The following C10orf90 variants were observed in gnomAD, a reference collection of about 807,000 sequenced individuals.
C10orf90 encodes (E2-independent) E3 ubiquitin-conjugating enzyme FATS.
Under a neutral mutation model 62.5 loss-of-function variants are expected in C10orf90, and 56 were observed. The ratio of observed to expected loss-of-function variants is 0.90; its 90% CI spans 0.72 to 1.12. The LOEUF is 1.12. C10orf90 is among the 50% of genes most tolerant of loss of function. The pLI is 0.00. For synonymous variants in C10orf90, 386 were observed against 340.4 expected (o/e 1.13, Z -1.47); for missense variants, 970 against 880.4 (o/e 1.10, Z -1.29).
At chr10:126,441,767 T>C (rs1424569243) in intron 7 of C10orf90, among the ~76,000 whole-genome samples, 1 of 152,158 alleles carries the variant, frequency 6.6e-6, no homozygotes, top group Admixed American at 6.5e-5. Context: ...GCCAAGAATT[T>C]TGTATCAAGT....
At chr10:126,478,660 T>C (rs1325166313) in intron 4 of C10orf90, among the ~76,000 whole-genome samples, 6 of 152,072 alleles carry the variant, frequency 3.9e-5, no homozygotes, top group East Asian at 1.9e-4. Flanking sequence ...CAGATGAAGA[T>C]TGATGCGAGT....
At chr10:126,636,792 A>G (rs556345790) in intron 2 of C10orf90, among the ~76,000 whole-genome samples, 3 of 152,352 alleles carry the variant, frequency 2.0e-5, no homozygotes, top group Non-Finnish European at 4.4e-5. Flanking sequence ...CCACTAAAAA[A>G]AATAAAAATA....
rs753687372 is a variant in C10orf90, at chr10:126,513,933, C to G, written c.320G>C (p.Arg107Pro). ...ATCTCTTCTACTGTGGTAGCTGTCC[C>G]GTAATCCTAGGCAAAAGAAGATAAT... ...RNESLSNAGL[R>P]DSYHSRRDQI... The change falls in exon 3 of 10, where the codon CGG becomes CCG. Residue 107 changes from arginine to proline, a missense_variant. Arg to Pro is a moderately radical substitution (Grantham distance 103). Coordinates refer to ENST00000488181, the MANE Select transcript of C10orf90 (RefSeq NM_001350921.2). The G allele has an allele frequency of 6.2e-7, 1 of 1,610,410 alleles. No individual in the cohort carries two copies. The highest frequency in any genetic ancestry group is 1.3e-5 in the African/African-American group (1 of 74,772).
chr10:126,510,057 A>T (rs1471412378), intron 3 of C10orf90, among the ~76,000 whole-genome samples: 1 of 152,120 alleles, frequency 6.6e-6, no homozygotes, highest in African/African-American at 2.4e-5. Flanking sequence ...CCTCTGCTCC[A>T]TGTCTGGGTC....
rs556469779 is a variant in C10orf90 at position 126,425,635 on chromosome 10, A to G, written c.*229T>C. ...AAGGGGACTGTATCCAGTGGGTTAC[A>G]TGGAGGTGGTTTCCCCACAACAGAT... On this transcript the variant is annotated 3_prime_UTR_variant, in exon 10 of 10. Coordinates refer to ENST00000488181, the MANE Select transcript of C10orf90 (RefSeq NM_001350921.2). 1.4e-5 allele frequency: 8 copies of G among 574,922 alleles called. No individual in the cohort carries two copies. Among genetic ancestry groups the G allele is most frequent in the Non-Finnish European group, 2.1e-5 (7 of 328,572 alleles). 35.6% of individuals were successfully genotyped at this position (574,922 alleles called of 1,614,324 possible).
At chr10:126,472,557 G>T (rs1860635533) in intron 4 of C10orf90, among the ~76,000 whole-genome samples, 1 of 152,114 alleles carries the variant, frequency 6.6e-6, no homozygotes, top group Non-Finnish European at 1.5e-5. Flanking sequence ...CCTTGCTGTT[G>T]ATGGTTCTCC....
At chr10:126,521,279 G>A in intron 2 of C10orf90, 2 of 1,613,154 alleles carry the variant, frequency 1.2e-6, no homozygotes, top group Non-Finnish European at 8.5e-7. Context: ...TTATATCTGT[G>A]GAAAAAAATT....
chr10:126,491,461 GA>G (rs958922091), intron 4 of C10orf90, among the ~76,000 whole-genome samples: 1 of 150,964 alleles, frequency 6.6e-6, no homozygotes, highest in Admixed American at 6.6e-5. Flanking sequence ...AATGTAAAAG[GA>G]AAAAAAACAA....
intron 2 of C10orf90, among the ~76,000 whole-genome samples, chr10:126,570,683 A>G (rs1844488162): frequency 6.6e-6 from 1 of 152,188 alleles, no homozygotes. Flanking sequence ...TTTGCTGAAA[A>G]TAAATGAGAA....
At chr10:126,652,822 TC>T (rs1846317173) in intron 1 of C10orf90, among the ~76,000 whole-genome samples, 1 of 152,222 alleles carries the variant, frequency 6.6e-6, no homozygotes, top group Non-Finnish European at 1.5e-5. Context: ...AGTATTCCTT[TC>T]AGCATGTTCT....
chr10:126,544,754 G>A (rs531144133), intron 2 of C10orf90, among the ~76,000 whole-genome samples: 2 of 152,272 alleles, frequency 1.3e-5, no homozygotes, highest in Admixed American at 1.3e-4. Context: ...TTCATGGGCT[G>A]GGAGAGGTCC....
chr10:126,578,828 C>CA (rs1034886595), intron 2 of C10orf90, among the ~76,000 whole-genome samples: 2 of 151,934 alleles, frequency 1.3e-5, no homozygotes, highest in Admixed American at 6.6e-5. Context: ...AGGTCAAACA[C>CA]AAAAAAACAC....
chr10:126,592,662 G>A (rs1442240865), intron 2 of C10orf90, among the ~76,000 whole-genome samples: 1 of 152,102 alleles, frequency 6.6e-6, no homozygotes, highest in East Asian at 1.9e-4. Context: ...AACACCAAAA[G>A]CAATTGCAAC....
chr10:126,566,150 A>T (rs1844383315), intron 2 of C10orf90, among the ~76,000 whole-genome samples: 1 of 152,164 alleles, frequency 6.6e-6, no homozygotes, highest in Non-Finnish European at 1.5e-5. Flanking sequence ...TGGATAAATT[A>T]TTTCACCTGA....
At chr10:126,481,131 C>A (rs575305453) in intron 4 of C10orf90, among the ~76,000 whole-genome samples, 2 of 152,336 alleles carry the variant, frequency 1.3e-5, no homozygotes, top group South Asian at 2.1e-4. Flanking sequence ...AAGACAGGCT[C>A]CTTCCATCAT....
chr10:126,524,788 G>C, intron 2 of C10orf90: 1 of 985,520 alleles, frequency 1.0e-6, no homozygotes, highest in Non-Finnish European at 1.2e-6. Context: ...TGTCCTACAA[G>C]AGCTGGGGGC....
chr10:126,561,581 A>C (rs1424062591), intron 2 of C10orf90, among the ~76,000 whole-genome samples: 1 of 152,096 alleles, frequency 6.6e-6, no homozygotes, highest in Non-Finnish European at 1.5e-5. Context: ...GCAGATTTTC[A>C]CTCTCCGTGC....
intron 7 of C10orf90, among the ~76,000 whole-genome samples, chr10:126,437,864 G>A (rs956530334): frequency 3.7e-4 from 56 of 152,176 alleles, no homozygotes; most frequent in Admixed American, 1.3e-4. Flanking sequence ...TGAAGGCAAT[G>A]CTGTGGAAGG....
intron 7 of C10orf90, among the ~76,000 whole-genome samples, chr10:126,450,596 G>GA (rs769935995): frequency 3.9e-5 from 6 of 152,228 alleles, no homozygotes; most frequent in Admixed American, 6.5e-5. Flanking sequence ...ATGGGGAGAG[G>GA]AAAATCTCTT....
Sources: allele counts gnomAD v4.1 joint callset (sites outside exome capture counted in the v4.1 genomes callset), GRCh38; gene constraint gnomAD v4.1.1; transcripts MANE v1.5; gene names NCBI Gene and HGNC (gene_info 2026-07-23, HGNC 2026-07-21).